The following TNR variants were observed in gnomAD, a reference collection of about 807,000 sequenced individuals.
TNR encodes tenascin R.
Under a neutral mutation model 150.4 loss-of-function variants are expected in TNR, and 45 were observed. That is an observed-to-expected ratio of 0.30 (90% CI 0.24 to 0.38). The LOEUF is 0.38. Ranked by LOEUF, TNR falls within the 10% of genes least tolerant of loss-of-function variation. The pLI, the probability that TNR is intolerant of heterozygous loss-of-function variation, is 1.00. For synonymous variants in TNR, 687 were observed against 678.4 expected (o/e 1.01, Z -0.20); for missense variants, 1,544 against 1,759.1 (o/e 0.88, Z 2.19).
chr1:175,471,119 C>G (rs559080378), intron 2 of TNR, among the ~76,000 whole-genome samples: 2 of 152,114 alleles, frequency 1.3e-5, no homozygotes, highest in African/African-American at 4.8e-5. Context: ...ATAAATACAC[C>G]GCAATTAGTA....
intron 2 of TNR, among the ~76,000 whole-genome samples, chr1:175,429,732 G>A (rs1408861544): frequency 6.6e-6 from 1 of 152,188 alleles, no homozygotes; most frequent in African/African-American, 2.4e-5. Context: ...GTAGGGTCTA[G>A]AATATGGAAG....
intron 2 of TNR, among the ~76,000 whole-genome samples, chr1:175,427,089 C>T (rs979903793): frequency 1.3e-4 from 20 of 150,048 alleles, no homozygotes; most frequent in African/African-American, 4.9e-4. Context: ...GCACCACTGA[C>T]CTGCACAATG....
rs1218948364 is a variant in TNR, at chr1:175,319,885, C to A, written c.*3472G>T. ...CTGTGGTCTCAAGGCCAACAGTTTTCCACAGACTTGTCATTCTTGCCACCT... is the reference window on the plus strand; with the variant it reads ...CTGTGGTCTCAAGGCCAACAGTTTTACACAGACTTGTCATTCTTGCCACCT... On this transcript the variant is annotated 3_prime_UTR_variant, in exon 23 of 23. Coordinates refer to ENST00000367674, the MANE Select transcript of TNR (RefSeq NM_003285.3). 1 of 151,356 alleles carries A rather than the reference C, an allele frequency of 6.6e-6. No homozygotes were observed. The highest frequency in any genetic ancestry group is 1.5e-5 in the Non-Finnish European group (1 of 67,836). 9.4% of individuals were successfully genotyped at this position (151,356 alleles called of 1,614,324 possible). A position where few individuals can be genotyped will look rare whatever the true frequency, so the allele number is the denominator to read the frequency against.
At chr1:175,551,870 C>T (rs1276908854) in intron 1 of TNR, among the ~76,000 whole-genome samples, 1 of 152,124 alleles carries the variant, frequency 6.6e-6, no homozygotes. Context: ...AACGTGTGTG[C>T]ACCTGTGTGA....
At chr1:175,709,883 G>A (rs1306780365) in intron 1 of TNR, among the ~76,000 whole-genome samples, 3 of 151,878 alleles carry the variant, frequency 2.0e-5, no homozygotes, top group African/African-American at 7.3e-5. Context: ...AGAGCTCAAG[G>A]ACTATCAGGT....
intron 1 of TNR, among the ~76,000 whole-genome samples, chr1:175,646,314 A>T (rs867128646): frequency 2.6e-5 from 4 of 152,194 alleles, no homozygotes; most frequent in Non-Finnish European, 1.5e-5. Context: ...TTTTACTGGA[A>T]GCTAACCACA....
chr1:175,708,508 C>T (rs768984739), intron 1 of TNR, among the ~76,000 whole-genome samples: 3 of 152,328 alleles, frequency 2.0e-5, no homozygotes, highest in Admixed American at 6.5e-5. Flanking sequence ...ATTTTCCACA[C>T]ACTTTTGGGT....
intron 1 of TNR, among the ~76,000 whole-genome samples, chr1:175,730,827 G>A (rs1340796073): frequency 1.3e-5 from 2 of 152,152 alleles, no homozygotes; most frequent in African/African-American, 4.8e-5. Context: ...TCTCTGTGGA[G>A]CTAACATTTG....
chr1:175,627,382 G>A (rs1372912181), intron 1 of TNR, among the ~76,000 whole-genome samples: 1 of 152,154 alleles, frequency 6.6e-6, no homozygotes, highest in Non-Finnish European at 1.5e-5. Flanking sequence ...CTGCCTCACA[G>A]CATTGGTGTA....
intron 1 of TNR, among the ~76,000 whole-genome samples, chr1:175,570,653 G>A (rs573136929): frequency 2.8e-4 from 42 of 150,128 alleles, no homozygotes; most frequent in Non-Finnish European, 4.9e-4. Context: ...CCATTTTTCC[G>A]CTTTCTCCTT....
chr1:175,548,680 C>G (rs891934621), intron 1 of TNR, among the ~76,000 whole-genome samples: 1 of 133,432 alleles, frequency 7.5e-6, no homozygotes, highest in Non-Finnish European at 1.6e-5. Context: ...AAAAAAAAGG[C>G]GGGATGGGCA....
chr1:175,527,536 G>C (rs190770964), intron 2 of TNR, among the ~76,000 whole-genome samples: 1 of 152,192 alleles, frequency 6.6e-6, no homozygotes, highest in Admixed American at 6.5e-5. Context: ...AAGACTGGTG[G>C]CTATATTATT....
intron 1 of TNR, among the ~76,000 whole-genome samples, chr1:175,683,724 G>A (rs1666108135): frequency 6.6e-6 from 1 of 152,228 alleles, no homozygotes; most frequent in South Asian, 2.1e-4. Flanking sequence ...TGAGGAAAGA[G>A]GGAAGAGCTG....
chr1:175,549,502 T>A (rs1660849011), intron 1 of TNR, among the ~76,000 whole-genome samples: 1 of 152,204 alleles, frequency 6.6e-6, no homozygotes, highest in South Asian at 2.1e-4. Flanking sequence ...CTCTGTGTAA[T>A]CCTTGGAGCT....
At chr1:175,694,182 A>G (rs900458746) in intron 1 of TNR, among the ~76,000 whole-genome samples, 1 of 152,192 alleles carries the variant, frequency 6.6e-6, no homozygotes, top group Non-Finnish European at 1.5e-5. Flanking sequence ...ACAAAGTACC[A>G]TACAGTATCC....
Position 175,543,773 on chromosome 1 carries a change from G to C in TNR, c.-164-15404C>G, listed in dbSNP as rs191005232. On this transcript the variant is annotated intron_variant, in intron 1 of 22. Coordinates refer to ENST00000367674, the MANE Select transcript of TNR (RefSeq NM_003285.3). Reference sequence around the variant, plus strand: ...GTTACCTATTGTGAAGTAGGGGCAAGGGGAATGGGCAAGTTTGGGGTAAGT... The same window carrying C: ...GTTACCTATTGTGAAGTAGGGGCAACGGGAATGGGCAAGTTTGGGGTAAGT... Among the ~76,000 whole-genome samples, 771 of 152,282 alleles carry C rather than the reference G, an allele frequency of 5.1e-3. 4 individuals carry two copies. The highest frequency in any genetic ancestry group is 0.017 in the African/African-American group (718 of 41,568).
intron 1 of TNR, among the ~76,000 whole-genome samples, chr1:175,615,325 A>G (rs537796200): frequency 6.6e-6 from 1 of 152,324 alleles, no homozygotes; most frequent in Non-Finnish European, 1.5e-5. Flanking sequence ...GTTGAGCACC[A>G]AGCCTGGACT....
At chr1:175,486,290 A>T (rs1240326492) in intron 2 of TNR, among the ~76,000 whole-genome samples, 1 of 144,738 alleles carries the variant, frequency 6.9e-6, no homozygotes, top group Non-Finnish European at 1.5e-5. Context: ...CCACCCCTCG[A>T]CAGGCCCTGT....
rs546236499 is a variant in TNR, at chr1:175,729,559, C to T, written c.-165+13667G>A. Among the ~76,000 whole-genome samples the T allele has an allele frequency of 2.0e-5, 3 of 152,282 alleles. No homozygotes were observed. In the East Asian group the frequency reaches 5.8e-4, roughly 29 times the overall value. ...TCCCCTACCTCAACCTCCCAAAACA[C>T]TGGGATTACAGGCATAAGCCACCAT... On this transcript the variant is annotated intron_variant, in intron 1 of 22. Coordinates refer to ENST00000367674, the MANE Select transcript of TNR (RefSeq NM_003285.3).
Sources: allele counts gnomAD v4.1 joint callset (sites outside exome capture counted in the v4.1 genomes callset), GRCh38; gene constraint gnomAD v4.1.1; transcripts MANE v1.5; gene names NCBI Gene and HGNC (gene_info 2026-07-23, HGNC 2026-07-21).